M1AP: variants seen among roughly 807,000 people sequenced by gnomAD.
M1AP encodes meiosis 1 arrest protein.
In M1AP, 39 loss-of-function variants were observed where a neutral mutation model predicts 51.2. The observed-to-expected ratio is 0.76, with a 90% confidence interval of 0.59 to 1.00. M1AP has a LOEUF of 1.00. Among genes scored for constraint, M1AP ranks in the 50% least tolerant of loss-of-function variants. M1AP has a pLI of 0.00. For missense variants in M1AP, 545 were observed against 641.2 expected (o/e 0.85, Z 1.62); for synonymous variants, 251 against 249.2 (o/e 1.01, Z -0.07).
chr2:74,615,142 T>A lies in M1AP; in HGVS notation c.248A>T (p.Lys83Ile). Residue 83 changes from lysine to isoleucine, a missense_variant, in exon 3 of 11, where the codon AAA becomes ATA. Lys to Ile is a moderately radical substitution (Grantham distance 102, BLOSUM62 -3). Transcript: ENST00000421985. Reference sequence around the variant, plus strand: ...GGTCTGCAACCTAGCAAAGTTCCCTTTCACTTGCTGCAGAGAAAAACGAAT... The same window carrying A: ...GGTCTGCAACCTAGCAAAGTTCCCTATCACTTGCTGCAGAGAAAAACGAAT... ...HECILPFVQV[K>I]GNFARLQTCI... The A allele has an allele frequency of 1.9e-6, 3 of 1,614,034 alleles. No individual in the cohort carries two copies. Among genetic ancestry groups the A allele is most frequent in the Non-Finnish European group, 2.5e-6 (3 of 1,179,884 alleles).
chr2:74,635,490 T>G (rs549193681), intron 2 of M1AP, among the ~76,000 whole-genome samples: 2 of 152,218 alleles, frequency 1.3e-5, no homozygotes, highest in Non-Finnish European at 2.9e-5. Context: ...TTTTTGCTCT[T>G]CATTATATCC....
At chr2:74,629,583 T>C (rs530451801) in intron 2 of M1AP, among the ~76,000 whole-genome samples, 1 of 152,196 alleles carries the variant, frequency 6.6e-6, no homozygotes, top group South Asian at 2.1e-4. Flanking sequence ...AAACCCCATC[T>C]CTACCAGAAA....
chr2:74,569,814 T>C (rs941476599), intron 7 of M1AP, among the ~76,000 whole-genome samples: 5 of 152,012 alleles, frequency 3.3e-5, no homozygotes, highest in Non-Finnish European at 2.9e-5. Context: ...ATTTATAATA[T>C]ATGGCTGAGA....
At chr2:74,626,335 T>A (rs577310048) in intron 2 of M1AP, among the ~76,000 whole-genome samples, 1 of 149,354 alleles carries the variant, frequency 6.7e-6, no homozygotes, top group Non-Finnish European at 1.5e-5. Flanking sequence ...CAATCATAGC[T>A]CATGGCACTG....
intron 2 of M1AP, among the ~76,000 whole-genome samples, chr2:74,632,887 A>G (rs1682780471): frequency 6.6e-6 from 1 of 152,160 alleles, no homozygotes; most frequent in African/African-American, 2.4e-5. Context: ...AAATGTACTG[A>G]GGAGTGCCAG....
chr2:74,588,275 G>A (rs182626503), intron 4 of M1AP, among the ~76,000 whole-genome samples: 6 of 152,150 alleles, frequency 3.9e-5, no homozygotes, highest in Non-Finnish European at 8.8e-5. Flanking sequence ...GTGGGGGAAG[G>A]GGGAAAGCCC....
intron 4 of M1AP, among the ~76,000 whole-genome samples, chr2:74,592,815 C>T (rs988000326): frequency 2.6e-5 from 4 of 152,150 alleles, no homozygotes; most frequent in African/African-American, 9.7e-5. Context: ...CATTTGGAAT[C>T]TTTTCCAGAT....
chr2:74,561,533 G>A (rs1573054193), intron 8 of M1AP, among the ~76,000 whole-genome samples: 2 of 152,176 alleles, frequency 1.3e-5, no homozygotes, highest in South Asian at 4.2e-4. Flanking sequence ...GACACACTCG[G>A]GCACAAAAAC....
chr2:74,630,205 G>C (rs1259961061), intron 2 of M1AP, among the ~76,000 whole-genome samples: 1 of 152,028 alleles, frequency 6.6e-6, no homozygotes, highest in Admixed American at 6.5e-5. Context: ...CCAAAGTGCT[G>C]GAATTATAGG....
chr2:74,566,539 G>A (rs139666060), intron 7 of M1AP, among the ~76,000 whole-genome samples: 2 of 152,288 alleles, frequency 1.3e-5, no homozygotes, highest in African/African-American at 2.4e-5. Flanking sequence ...CTGGGGGGAA[G>A]ATGCGAGGGG....
In M1AP at chr2:74,648,295, T is replaced by C. The variant is rs908436353; in HGVS notation, c.-83A>G. The stretch of plus-strand genomic sequence containing the variant: ...TTCGGAAGACGGAGGCCCCCTCACC[T>C]GGTCCTCCCGGCTCTCAGCGTGCGC... On this transcript the variant is annotated 5_prime_UTR_variant, in exon 1 of 11. Coordinates refer to ENST00000421985, the MANE Select transcript of M1AP (RefSeq NM_001321739.2). 1.0e-6 allele frequency: 1 copy of C among 985,420 alleles called. No individual in the cohort carries two copies. The highest frequency in any genetic ancestry group is 4.7e-5 in the South Asian group (1 of 21,284). The allele number at this position is 985,420 out of a possible 1,614,324, so 61.0% of individuals were successfully genotyped here. A position where few individuals can be genotyped will look rare whatever the true frequency, so the allele number is the denominator to read the frequency against.
chr2:74,617,332 C>T (rs1277229668), intron 2 of M1AP, among the ~76,000 whole-genome samples: 1 of 152,198 alleles, frequency 6.6e-6, no homozygotes, highest in Non-Finnish European at 1.5e-5. Context: ...CACCCAGAAC[C>T]AGCCACAACT....
At chr2:74,637,763 G>C (rs1360228303) in intron 2 of M1AP, among the ~76,000 whole-genome samples, 1 of 152,166 alleles carries the variant, frequency 6.6e-6, no homozygotes, top group Non-Finnish European at 1.5e-5. Flanking sequence ...TTCCAGTTGT[G>C]AGTATCAGGT....
intron 10 of M1AP, among the ~76,000 whole-genome samples, 155 bp downstream of exon 10, chr2:74,559,543 T>C (rs951733408): frequency 9.2e-5 from 14 of 152,334 alleles, no homozygotes; most frequent in African/African-American, 3.4e-4. Context: ...AAATATTATA[T>C]AGAACACGGG....
At chr2:74,575,356 G>C (rs1678994239) in intron 7 of M1AP, 82 bp downstream of exon 7, 3 of 1,587,254 alleles carry the variant, frequency 1.9e-6, no homozygotes, top group Admixed American at 1.7e-5. Flanking sequence ...ATTTAGGATT[G>C]GGCAGAGTTA....
chr2:74,637,446 T>A (rs1327444125), intron 2 of M1AP, among the ~76,000 whole-genome samples: 2 of 152,248 alleles, frequency 1.3e-5, no homozygotes, highest in Non-Finnish European at 2.9e-5. Flanking sequence ...TAATGAGTCA[T>A]AATTTCCTGC....
chr2:74,640,684 T>C (rs1314820116), intron 1 of M1AP, among the ~76,000 whole-genome samples: 1 of 151,978 alleles, frequency 6.6e-6, no homozygotes, highest in East Asian at 1.9e-4. Context: ...TCTTGATCTC[T>C]TGACCTCACG....
intron 7 of M1AP, among the ~76,000 whole-genome samples, chr2:74,571,261 T>A (rs1236888352): frequency 6.6e-6 from 1 of 152,064 alleles, no homozygotes; most frequent in Non-Finnish European, 1.5e-5. Flanking sequence ...TATGACTTAG[T>A]GATGGAGTAG....
intron 4 of M1AP, among the ~76,000 whole-genome samples, chr2:74,599,720 A>T (rs10170444): frequency 0.096 from 14,644 of 152,052 alleles, 2,059 homozygotes; most frequent in African/African-American, 0.31. Flanking sequence ...TTACTTCTAA[A>T]ATATAGAATA....
Sources: allele counts gnomAD v4.1 joint callset (sites outside exome capture counted in the v4.1 genomes callset), GRCh38; gene constraint gnomAD v4.1.1; transcripts MANE v1.5; gene names NCBI Gene and HGNC (gene_info 2026-07-23, HGNC 2026-07-21).